SIRT1: variants seen among roughly 807,000 people sequenced by gnomAD.
SIRT1 encodes the protein NAD-dependent protein deacetylase sirtuin-1.
Under a neutral mutation model 67.9 loss-of-function variants are expected in SIRT1, and 24 were observed. That is an observed-to-expected ratio of 0.35 (90% CI 0.26 to 0.50). SIRT1 has a LOEUF of 0.50. Ranked by LOEUF, SIRT1 falls within the 20% of genes least tolerant of loss-of-function variation. The pLI is 0.98. For missense variants in SIRT1, 873 were observed against 937.2 expected (o/e 0.93, Z 0.89); for synonymous variants, 378 against 350.7 (o/e 1.08, Z -0.87).
chr10:67,908,513 T>G (rs1842852765), intron 6 of SIRT1, among the ~76,000 whole-genome samples: 1 of 152,200 alleles, frequency 6.6e-6, no homozygotes, highest in Admixed American at 6.5e-5. Flanking sequence ...TAGGAAAATT[T>G]GGCAGAAAAT....
chr10:67,906,242 A>G (rs1183074732), intron 4 of SIRT1: 3 of 1,580,440 alleles, frequency 1.9e-6, no homozygotes, highest in East Asian at 2.3e-5. Context: ...GAGCAACTCT[A>G]TACTATACCA....
chr10:67,915,700 A>G (rs2029888228), intron 8 of SIRT1, among the ~76,000 whole-genome samples: 5 of 152,232 alleles, frequency 3.3e-5, no homozygotes, highest in Admixed American at 3.3e-4. Context: ...TAGTTAATGA[A>G]GATGCTTTAA....
intron 4 of SIRT1, among the ~76,000 whole-genome samples, chr10:67,892,839 T>C (rs956067752): frequency 3.9e-5 from 6 of 152,196 alleles, no homozygotes; most frequent in Non-Finnish European, 7.3e-5. Flanking sequence ...TGACTTCAGG[T>C]GATCCACCCT....
In SIRT1 at chr10:67,906,929, A is replaced by G. The variant is rs1842828683; in HGVS notation, c.1082A>G (p.Gln361Arg). Residue 361 changes from glutamine (Q) to arginine (R), a missense_variant, in exon 5 of 9, where the codon CAG becomes CGG. Physicochemically the swap from Gln to Arg is conservative, Grantham distance 43. This residue lies in a region of SIRT1 where 251 missense variants were observed against 358.8 expected (regional missense o/e 0.70). Coordinates refer to ENST00000212015, the MANE Select transcript of SIRT1 (RefSeq NM_012238.5). The stretch of plus-strand genomic sequence containing the variant: ...GTTGCGGGAATCCAAAGGATAATTC[A>G]GTGTCATGGTTAGTAAACTTCAGAG... ...EQVAGIQRII[Q>R]CHGSFATASC... 6.3e-7 allele frequency: 1 copy of G among 1,598,566 alleles called. No homozygotes were observed. Among genetic ancestry groups the G allele is most frequent in the South Asian group, 1.1e-5 (1 of 87,410 alleles).
intron 1 of SIRT1, among the ~76,000 whole-genome samples, chr10:67,887,034 G>C (rs1322466977): frequency 6.6e-6 from 1 of 151,902 alleles, no homozygotes; most frequent in Non-Finnish European, 1.5e-5. Context: ...ACCATGCCCG[G>C]CTAATTTTTG....
rs200296961 is a variant in SIRT1 at position 67,912,926 on chromosome 10, G to A, written c.1810G>A (p.Gly604Ser). 66 of 1,614,012 alleles carry A rather than the reference G, an allele frequency of 4.1e-5. No individual in the cohort carries two copies. Among genetic ancestry groups the A allele is most frequent in the Non-Finnish European group, 5.1e-5 (60 of 1,180,026 alleles). ...QMENPDLKNV[G>S]SSTGEKNERT... ...GGAAAATCCGGATTTGAAGAATGTT[G>A]GTTCTAGTACTGGGGAGAAAAATGA... The change falls in exon 8 of 9, where the codon GGT (glycine) becomes AGT (serine). Residue 604 changes from glycine to serine, a missense_variant. Gly to Ser is a moderately conservative substitution (Grantham distance 56, BLOSUM62 0). Around this residue, in one of 3 missense-constraint regions of SIRT1, gnomAD observed 295 missense variants for 294.5 expected, o/e 1.00. Coordinates refer to ENST00000212015, the MANE Select transcript of SIRT1 (RefSeq NM_012238.5).
chr10:67,912,517 A>C lies in SIRT1; in HGVS notation c.1401A>C (p.Glu467Asp), dbSNP rs1406225734. The part of the protein sequence containing the change: ...HEVPQILINR[E>D]PLPHLHFDVE... ...TGCCTCAGATATTAATTAATAGAGA[A>C]CCTTTGCCTCATCTGCATTTTGATG... is the stretch of plus-strand genomic sequence containing the variant. Residue 467 changes from glutamate to aspartate, a missense_variant, in exon 8 of 9, where the codon GAA becomes GAC. Glu to Asp is a conservative substitution (Grantham distance 45, BLOSUM62 2). Around this residue, in one of 3 missense-constraint regions of SIRT1, gnomAD observed 251 missense variants for 358.8 expected, o/e 0.70. Coordinates refer to ENST00000212015, the MANE Select transcript of SIRT1 (RefSeq NM_012238.5). The C allele has an allele frequency of 6.2e-7, 1 of 1,613,594 alleles. No homozygotes were observed. Among genetic ancestry groups the C allele is most frequent in the Non-Finnish European group, 8.5e-7 (1 of 1,179,942 alleles).
intron 7 of SIRT1, among the ~76,000 whole-genome samples, chr10:67,911,561 G>A (rs1458768062): frequency 6.6e-6 from 1 of 151,988 alleles, no homozygotes; most frequent in Non-Finnish European, 1.5e-5. Context: ...ATTAAAAAAA[G>A]AAACAGGTTT....
Sources: allele counts gnomAD v4.1 joint callset (sites outside exome capture counted in the v4.1 genomes callset), GRCh38; gene constraint gnomAD v4.1.1; regional missense constraint gnomAD v4.1.1; transcripts MANE v1.5; gene names NCBI Gene and HGNC (gene_info 2026-07-23, HGNC 2026-07-21).